The following SYNE2 variants were observed in gnomAD, a reference collection of about 807,000 sequenced individuals.
The protein encoded by SYNE2 is spectrin repeat containing nuclear envelope protein 2.
Under a neutral mutation model 856.3 loss-of-function variants are expected in SYNE2, and 431 were observed. The ratio of observed to expected loss-of-function variants is 0.50; its 90% CI spans 0.47 to 0.55. The LOEUF (loss-of-function observed/expected upper bound fraction) is 0.55. Among genes scored for constraint, SYNE2 ranks in the 20% least tolerant of loss-of-function variants. The pLI, the probability that SYNE2 is intolerant of heterozygous loss-of-function variation, is 0.00. For synonymous variants in SYNE2, 2,923 were observed against 2,872.3 expected, an observed-to-expected ratio of 1.02 and a Z score of -0.56; for missense variants, 8,129 against 8,023.2, an observed-to-expected ratio of 1.01 and a Z score of -0.50.
Position 64,203,042 on chromosome 14 carries a change from ATG to A in SYNE2, c.18201+83_18201+84del, listed in dbSNP as rs1485994025. 7 of 1,553,450 alleles carry A rather than the reference ATG, an allele frequency of 4.5e-6. No homozygotes were observed. The African/African-American group carries it at 6.8e-5, about 15-fold the overall frequency. ...TGACTGAGGCCTTCCCCGTATATCT[ATG>A]TGTTTTCACGTGCTCACATTCCATA... On this transcript the variant is annotated intron_variant, in intron 100 of 115. Coordinates refer to ENST00000555002, the MANE Select transcript of SYNE2 (RefSeq NM_182914.3).
Position 64,121,115 on chromosome 14 carries a change from C to T in SYNE2, c.13158+54C>T, listed in dbSNP as rs1332274564. On this transcript the variant is annotated intron_variant, in intron 68 of 115. Transcript: ENST00000555002. ...ACTAGAATATAACTTTTTAACCAGGCAAGGTGGTGCAAACCTACAGTCCTA... is the reference window on the plus strand; with the variant it reads ...ACTAGAATATAACTTTTTAACCAGGTAAGGTGGTGCAAACCTACAGTCCTA... The T allele has an allele frequency of 2.5e-6, 4 of 1,609,306 alleles. No homozygotes were observed. In the East Asian group the frequency reaches 9.0e-5, roughly 36 times the overall value.
intron 65 of SYNE2, among the ~76,000 whole-genome samples, chr14:64,111,083 G>C (rs556838882): frequency 1.3e-5 from 2 of 152,024 alleles, no homozygotes; most frequent in South Asian, 4.2e-4. Context: ...AGTGTGTGGA[G>C]GGCTGGGTGT....
At chr14:64,175,817 T>C (rs1595997524) in intron 95 of SYNE2, among the ~76,000 whole-genome samples, 1 of 152,244 alleles carries the variant, frequency 6.6e-6, no homozygotes, top group East Asian at 1.9e-4. Context: ...AGACATATTT[T>C]TCTGAATTAA....
intron 54 of SYNE2, among the ~76,000 whole-genome samples, chr14:64,077,351 C>T (rs2097472291): frequency 6.7e-6 from 1 of 150,092 alleles, no homozygotes; most frequent in Admixed American, 6.7e-5. Flanking sequence ...GTGACACAGC[C>T]AGCCATGAAA....
At chr14:63,974,892 G>GTGTGTATATATATATATA (rs1375697679) in intron 11 of SYNE2, among the ~76,000 whole-genome samples, 28 of 67,304 alleles carry the variant, frequency 4.2e-4, no homozygotes, top group South Asian at 8.6e-4. Context: ...GTGTGTGTGT[G>GTGTGTATATATATATATA]TATATATATA....
chr14:64,075,834 C>T (rs2097454068), intron 53 of SYNE2, 111 bp from the exon 54 acceptor site: 1 of 1,218,004 alleles, frequency 8.2e-7, no homozygotes, highest in South Asian at 1.2e-5. Flanking sequence ...TTTTGTCATG[C>T]AAACTGCACT....
chr14:64,095,543 T>C (rs980085703), intron 61 of SYNE2, among the ~76,000 whole-genome samples: 3 of 152,214 alleles, frequency 2.0e-5, no homozygotes, highest in African/African-American at 7.2e-5. Context: ...TTAACACTTA[T>C]CTCTTCAGAA....
intron 28 of SYNE2, 124 bp downstream of exon 28, chr14:64,000,843 G>A: frequency 2.3e-6 from 2 of 853,130 alleles, no homozygotes; most frequent in Non-Finnish European, 3.6e-6. Context: ...ACAACAGTAA[G>A]AGAGGCTACC....
chr14:64,210,024 G>T lies in SYNE2; in HGVS notation c.18623G>T (p.Arg6208Leu). The T allele has an allele frequency of 1.2e-6, 2 of 1,614,036 alleles. No homozygotes were observed. Among genetic ancestry groups the T allele is most frequent in the Non-Finnish European group, 1.7e-6 (2 of 1,180,024 alleles). ...TACCGGCGGCTGGCCCGGGAGAACC[G>T]CACAGACACGGCCAGCAGGCTGAAG... ...KQYRRLAREN[R>L]TDTASRLKQM... Residue 6208 changes from arginine (R) to leucine (L), a missense_variant, in exon 103 of 116, where the codon CGC becomes CTC. Arg to Leu is a moderately radical substitution (Grantham distance 102, BLOSUM62 -2). This residue lies in a region of SYNE2 where 5,410 missense variants were observed against 5,284.8 expected (regional missense o/e 1.02). Coordinates refer to ENST00000555002, the MANE Select transcript of SYNE2 (RefSeq NM_182914.3).
Position 64,016,543 on chromosome 14 carries a change from A to G in SYNE2, c.4799A>G (p.Asn1600Ser). Residue 1600 changes from asparagine (N) to serine (S), a missense_variant, in exon 33 of 116, where the codon AAT becomes AGT. Transcript: ENST00000555002. ...GACAAGATAAACCAGGTCTGCAAAA[A>G]TCTACAATTTTATCTAAATAAAATG... ...VVDKINQVCK[N>S]LQFYLNKMKT... 6 of 1,604,628 alleles carry G rather than the reference A, an allele frequency of 3.7e-6. No individual in the cohort carries two copies. The highest frequency in any genetic ancestry group is 5.1e-6 in the Non-Finnish European group (6 of 1,174,548).
chr14:63,893,422 G>C (rs1763752970), intron 1 of SYNE2, among the ~76,000 whole-genome samples: 1 of 152,004 alleles, frequency 6.6e-6, no homozygotes, highest in Admixed American at 6.6e-5. Flanking sequence ...TAAGAAATTA[G>C]CTGGGCGTGG....
chr14:64,153,591 A>G (rs2098262728), intron 85 of SYNE2, among the ~76,000 whole-genome samples: 1 of 152,210 alleles, frequency 6.6e-6, no homozygotes, highest in African/African-American at 2.4e-5. Context: ...AATGTAGCAG[A>G]AAAATAGAGA....
intron 63 of SYNE2, chr14:64,099,272 A>G (rs1480349443): frequency 5.8e-6 from 1 of 172,094 alleles, no homozygotes; most frequent in African/African-American, 2.4e-5. Flanking sequence ...TGGTTGAATG[A>G]GACATTTTCA....
Position 64,167,628 on chromosome 14 carries a change from A to G in SYNE2, c.16894A>G (p.Lys5632Glu), listed in dbSNP as rs375876618. 52 of 1,614,230 alleles carry G rather than the reference A, an allele frequency of 3.2e-5. No homozygotes were observed. In the African/African-American group the frequency reaches 6.7e-4, roughly 21 times the overall value. The change falls in exon 92 of 116, where the codon AAA (lysine) becomes GAA (glutamate). Residue 5632 changes from lysine (K) to glutamate (E), a missense_variant. By Grantham distance (56) the Lys-to-Glu change is moderately conservative. Around this residue, in one of 3 missense-constraint regions of SYNE2, gnomAD observed 5,410 missense variants for 5,284.8 expected, o/e 1.02. Coordinates refer to ENST00000555002, the MANE Select transcript of SYNE2 (RefSeq NM_182914.3). The stretch of plus-strand genomic sequence containing the variant: ...CCTTCCTGAGCTCCTGGAGCAGCAG[A>G]AAACCTATAAGGTAAACCTGTGTTC... ...NSLPELLEQQ[K>E]TYKMLEAEVS...
intron 1 of SYNE2, among the ~76,000 whole-genome samples, chr14:63,830,867 G>A (rs1889642191): frequency 8.5e-6 from 1 of 116,970 alleles, no homozygotes; most frequent in African/African-American, 3.3e-5. Flanking sequence ...TTTTGTGAGA[G>A]TCTCATTCTG....
In SYNE2 at chr14:64,043,498, TAA is replaced by T. The variant is rs35237735; in HGVS notation, c.7222-4491_7222-4490del. On this transcript the variant is annotated intron_variant, in intron 45 of 115. Transcript: ENST00000555002. Reference sequence around the variant, plus strand: ...CCCATCACAGGCCCAGAGGCCTATGTAAAAAAAAAAAATGGTTTTGTGGGCTG... The same window carrying T: ...CCCATCACAGGCCCAGAGGCCTATGTAAAAAAAAAATGGTTTTGTGGGCTG... Among the ~76,000 whole-genome samples the T allele has an allele frequency of 1.2e-3, 174 of 150,084 alleles. 1 individual carries two copies. Among genetic ancestry groups the T allele is most frequent in the African/African-American group, 3.9e-3 (159 of 40,890 alleles).
At chr14:64,037,545 A>C (rs1396604943) in intron 45 of SYNE2, among the ~76,000 whole-genome samples, 2 of 147,632 alleles carry the variant, frequency 1.4e-5, no homozygotes, top group African/African-American at 2.5e-5. Context: ...CTACACAGAC[A>C]CGGCAACCAT....
In SYNE2 at chr14:63,971,460, A is replaced by T. The variant is rs535865886; in HGVS notation, c.1128+3614A>T. ...AAGTTATTGTACAACTTTTTGTAACATGTAGAAATCCTGCAAGCAAATTGA... is the reference window on the plus strand; with the variant it reads ...AAGTTATTGTACAACTTTTTGTAACTTGTAGAAATCCTGCAAGCAAATTGA... On this transcript the variant is annotated intron_variant, in intron 11 of 115. Transcript: ENST00000555002. 4.6e-5 allele frequency among the ~76,000 whole-genome samples: 7 copies of T among 152,098 alleles called. No individual in the cohort carries two copies. The East Asian group carries it at 1.3e-3, about 29-fold the overall frequency.
intron 22 of SYNE2, among the ~76,000 whole-genome samples, chr14:63,994,597 A>G (rs1380643726): frequency 6.6e-6 from 1 of 152,212 alleles, no homozygotes; most frequent in Non-Finnish European, 1.5e-5. Context: ...ATGTTAATAC[A>G]TTATTTTTTC....
Sources: allele counts gnomAD v4.1 joint callset (sites outside exome capture counted in the v4.1 genomes callset), GRCh38; gene constraint gnomAD v4.1.1; regional missense constraint gnomAD v4.1.1; transcripts MANE v1.5; gene names NCBI Gene and HGNC (gene_info 2026-07-23, HGNC 2026-07-21).